Variants in ZNF385B observed in about 807,000 individuals in gnomAD.
ZNF385B encodes the protein zinc finger protein 533.
ZNF385B carries 23 observed loss-of-function variants against 39.2 expected under a neutral mutation model. The observed-to-expected ratio is 0.59, with a 90% CI of 0.42 to 0.83. The LOEUF is 0.83. ZNF385B is among the 40% of genes least tolerant of loss of function. ZNF385B has a pLI of 0.00. For missense variants in ZNF385B, 552 were observed against 598.9 expected (o/e 0.92, Z 0.82); for synonymous variants, 205 against 222.6 (o/e 0.92, Z 0.70).
At chr2:179,737,046 A>G (rs1386479300) in intron 3 of ZNF385B, among the ~76,000 whole-genome samples, 2 of 152,206 alleles carry the variant, frequency 1.3e-5, no homozygotes, top group African/African-American at 4.8e-5. Flanking sequence ...TCTTGCCTTC[A>G]TTTCCAAACC....
chr2:179,762,949 G>A (rs759186763), intron 3 of ZNF385B, among the ~76,000 whole-genome samples: 1 of 152,170 alleles, frequency 6.6e-6, no homozygotes, highest in African/African-American at 2.4e-5. Context: ...CTGTCTCCCA[G>A]GCTGGAGTGC....
At chr2:179,674,263 T>C (rs947673123) in intron 3 of ZNF385B, among the ~76,000 whole-genome samples, 2 of 152,202 alleles carry the variant, frequency 1.3e-5, no homozygotes, top group African/African-American at 4.8e-5. Context: ...ATGGAGCTTT[T>C]AATGTAGTGA....
chr2:179,618,936 C>A (rs1689983405), intron 3 of ZNF385B, among the ~76,000 whole-genome samples: 1 of 152,132 alleles, frequency 6.6e-6, no homozygotes, highest in African/African-American at 2.4e-5. Flanking sequence ...AGTGTAGTGG[C>A]TTTTGTTTTG....
chr2:179,557,638 T>A (rs529054870), intron 3 of ZNF385B, among the ~76,000 whole-genome samples: 1 of 138,010 alleles, frequency 7.2e-6, no homozygotes, highest in African/African-American at 2.7e-5. Flanking sequence ...ATATAACATA[T>A]ATACATGTTA....
chr2:179,612,956 T>C (rs1228376243), intron 3 of ZNF385B, among the ~76,000 whole-genome samples: 1 of 152,110 alleles, frequency 6.6e-6, no homozygotes, highest in Admixed American at 6.5e-5. Context: ...AAGAAAAAAA[T>C]CTTTCCCATT....
chr2:179,708,734 C>G (rs1699793540), intron 3 of ZNF385B, among the ~76,000 whole-genome samples: 1 of 152,154 alleles, frequency 6.6e-6, no homozygotes, highest in Non-Finnish European at 1.5e-5. Flanking sequence ...CACTGTAGTA[C>G]AGCTGCCAGT....
chr2:179,497,220 A>G (rs900387621), intron 5 of ZNF385B, among the ~76,000 whole-genome samples: 2 of 152,216 alleles, frequency 1.3e-5, no homozygotes, highest in African/African-American at 4.8e-5. Flanking sequence ...TACAAAACTC[A>G]CTTGTAATAG....
At chr2:179,857,985 G>C (rs932458772) in intron 1 of ZNF385B, among the ~76,000 whole-genome samples, 155 of 152,272 alleles carry the variant, frequency 1.0e-3, no homozygotes, top group African/African-American at 3.6e-3. Flanking sequence ...GGACACTAAG[G>C]AAAAGTTTAC....
At chr2:179,758,912 G>A (rs914277327) in intron 3 of ZNF385B, among the ~76,000 whole-genome samples, 3 of 152,126 alleles carry the variant, frequency 2.0e-5, no homozygotes, top group African/African-American at 7.2e-5. Context: ...AAAAAACATT[G>A]TTTTAAAATT....
chr2:179,737,498 T>A (rs1333258492), intron 3 of ZNF385B, among the ~76,000 whole-genome samples: 3 of 151,940 alleles, frequency 2.0e-5, no homozygotes, highest in Non-Finnish European at 2.9e-5. Context: ...CGGCTCCATA[T>A]CGCCCATCAA....
chr2:179,636,072 T>C (rs1691723745), intron 3 of ZNF385B, among the ~76,000 whole-genome samples: 2 of 152,240 alleles, frequency 1.3e-5, no homozygotes, highest in African/African-American at 4.8e-5. Flanking sequence ...TAGCATATTT[T>C]TGATAGGTGA....
intron 5 of ZNF385B, among the ~76,000 whole-genome samples, chr2:179,484,385 A>G (rs905879160): frequency 6.6e-6 from 1 of 152,146 alleles, no homozygotes; most frequent in Non-Finnish European, 1.5e-5. Flanking sequence ...ACAAAACTAA[A>G]CATAAATGGT....
chr2:179,558,066 C>T (rs550734086), intron 3 of ZNF385B, among the ~76,000 whole-genome samples: 4 of 152,008 alleles, frequency 2.6e-5, no homozygotes, highest in African/African-American at 7.2e-5. Flanking sequence ...GTTTTTATAC[C>T]GAAGTACTAT....
intron 1 of ZNF385B, among the ~76,000 whole-genome samples, chr2:179,835,075 G>T (rs1708174716): frequency 6.6e-6 from 1 of 152,152 alleles, no homozygotes; most frequent in Non-Finnish European, 1.5e-5. Context: ...ACAAAATTGG[G>T]ACTATCTGGA....
chr2:179,559,436 T>G (rs2061174983), intron 3 of ZNF385B, among the ~76,000 whole-genome samples: 1 of 152,108 alleles, frequency 6.6e-6, no homozygotes, highest in Admixed American at 6.6e-5. Flanking sequence ...TCTGGGGCAC[T>G]AGCGATGTGC....
chr2:179,481,463 T>A (rs2053987385), intron 6 of ZNF385B, among the ~76,000 whole-genome samples: 1 of 152,016 alleles, frequency 6.6e-6, no homozygotes, highest in African/African-American at 2.4e-5. Context: ...AAAAAATGGA[T>A]TCTTCTCTGA....
At chr2:179,793,774 C>T (rs995363928) in intron 1 of ZNF385B, among the ~76,000 whole-genome samples, 4 of 152,090 alleles carry the variant, frequency 2.6e-5, no homozygotes, top group African/African-American at 9.7e-5. Flanking sequence ...AGATGTGAGT[C>T]AGTGGTGCAT....
chr2:179,488,638 T>A (rs192401299), intron 5 of ZNF385B, among the ~76,000 whole-genome samples: 116 of 151,854 alleles, frequency 7.6e-4, no homozygotes, highest in Middle Eastern at 3.4e-3. Context: ...TTTTGCATTT[T>A]AAAAAGTAAT....
chr2:179,495,608 C>A (rs2056119210), intron 5 of ZNF385B, among the ~76,000 whole-genome samples: 1 of 152,176 alleles, frequency 6.6e-6, no homozygotes, highest in African/African-American at 2.4e-5. Flanking sequence ...GTGGTAGTGG[C>A]CACACGGGTG....
Sources: allele counts gnomAD v4.1 joint callset (sites outside exome capture counted in the v4.1 genomes callset), GRCh38; gene constraint gnomAD v4.1.1; transcripts MANE v1.5; gene names NCBI Gene and HGNC (gene_info 2026-07-23, HGNC 2026-07-21).